FH: variants seen among roughly 807,000 people sequenced by gnomAD.
FH encodes fumarate hydratase, mitochondrial.
FH carries 22 observed loss-of-function variants against 49.4 expected under a neutral mutation model. The observed-to-expected ratio is 0.45, with a 90% confidence interval of 0.32 to 0.64. FH has a LOEUF of 0.64. FH is among the 30% of genes least tolerant of loss of function. The pLI, the probability that FH is intolerant of heterozygous loss-of-function variation, is 0.05. For synonymous variants in FH, 208 were observed against 223.0 expected, an observed-to-expected ratio of 0.93 and a Z score of 0.60; for missense variants, 526 against 641.5, an observed-to-expected ratio of 0.82 and a Z score of 1.95.
chr1:241,505,122 GCTGGTCTCGAA>G (rs1659879587), intron 6 of FH, among the ~76,000 whole-genome samples: 1 of 151,828 alleles, frequency 6.6e-6, no homozygotes, highest in South Asian at 2.1e-4. Flanking sequence ...TGTTGACCAG[GCTGGTCTCGAA>G]CTCCTGACCT....
In FH at chr1:241,518,171, CT is replaced by C. The variant is rs1003751521; in HGVS notation, c.133-856del. On this transcript the variant is annotated intron_variant, in intron 1 of 9. Coordinates refer to ENST00000366560, the MANE Select transcript of FH (RefSeq NM_000143.4). ...TTCTCAACATTAGCAACAGGAAGAA[CT>C]TTTAACAAAACCAACAGAGATTTTG... Among the ~76,000 whole-genome samples, 11 of 152,278 alleles carry C rather than the reference CT, an allele frequency of 7.2e-5. No homozygotes were observed. In the East Asian group the frequency reaches 2.1e-3, roughly 29 times the overall value.
chr1:241,506,183 A>C lies in FH; in HGVS notation c.739-15T>G, dbSNP rs746109501. 8 of 1,592,652 alleles carry C rather than the reference A, an allele frequency of 5.0e-6. No homozygotes were observed. The Admixed American group carries it at 1.0e-4, about 20-fold the overall frequency. On this transcript the variant is annotated splice_polypyrimidine_tract_variant and intron_variant, in intron 5 of 9. Transcript: ENST00000366560. ...CCACTAAATTCCTGAAAAGAAAAGA[A>C]AATTAAGGTAAGAATAAGTAATTCC...
chr1:241,502,856 C>T (rs1382283936), intron 7 of FH, among the ~76,000 whole-genome samples: 1 of 152,170 alleles, frequency 6.6e-6, no homozygotes, highest in Non-Finnish European at 1.5e-5. Context: ...ACTCAATATA[C>T]AACACTGAAT....
rs572155232 is a variant in FH, at chr1:241,505,040, C to T, written c.905-795G>A. The stretch of plus-strand genomic sequence containing the variant: ...TCTCCTGCCTCAGCCTCCCAAGTAG[C>T]TGGGGTTACAGGCGCCCGCCACCAT... On this transcript the variant is annotated intron_variant, in intron 6 of 9. Coordinates refer to ENST00000366560, the MANE Select transcript of FH (RefSeq NM_000143.4). Among the ~76,000 whole-genome samples the T allele has an allele frequency of 5.9e-5, 9 of 151,656 alleles. No homozygotes were observed. In the South Asian group the frequency reaches 1.9e-3, roughly 32 times the overall value.
At chr1:241,516,540 C>T (rs1349311383) in intron 2 of FH, among the ~76,000 whole-genome samples, 1 of 152,214 alleles carries the variant, frequency 6.6e-6, no homozygotes, top group Non-Finnish European at 1.5e-5. Context: ...TAGCTAATGC[C>T]GGGTTTTAAT....
chr1:241,517,386 C>T, intron 1 of FH, 70 bp from the exon 2 acceptor site: 5 of 1,556,008 alleles, frequency 3.2e-6, no homozygotes, highest in Non-Finnish European at 4.4e-6. Flanking sequence ...CGCATCTTAT[C>T]AGCTGTTAAA....
At chr1:241,517,544 T>C (rs1660252707) in intron 1 of FH, among the ~76,000 whole-genome samples, 1 of 152,200 alleles carries the variant, frequency 6.6e-6, no homozygotes, top group Non-Finnish European at 1.5e-5. Flanking sequence ...AGAACTAATA[T>C]ACTATGCTGG....
Position 241,519,751 on chromosome 1 carries a change from T to C in FH, c.-29A>G. The C allele has an allele frequency of 1.3e-6, 2 of 1,517,444 alleles. No individual in the cohort carries two copies. The highest frequency in any genetic ancestry group is 1.8e-6 in the Non-Finnish European group (2 of 1,127,408). 94.0% of individuals were successfully genotyped at this position (1,517,444 alleles called of 1,614,324 possible). The stretch of plus-strand genomic sequence containing the variant: ...GCTGAGGGAGCTTGGGTAGAATTTC[T>C]GGGCGGCTGTGGCCACGCCTCCACG... On this transcript the variant is annotated 5_prime_UTR_variant, in exon 1 of 10. Transcript: ENST00000366560.
chr1:241,502,525 G>T lies in FH; in HGVS notation c.1154C>A (p.Ala385Asp), dbSNP rs727503926. 1.2e-6 allele frequency: 2 copies of T among 1,614,132 alleles called. No individual in the cohort carries two copies. The highest frequency in any genetic ancestry group is 1.7e-6 in the Non-Finnish European group (2 of 1,179,978). ...TQCEAMTMVA[A>D]QVMGNHVAVT... is the part of the protein sequence containing the mutation. ...AGCAACATGGTTCCCCATGACTTGG[G>T]CTGCAACCATGGTCATTGCTTCACA... Residue 385 changes from alanine to aspartate, a missense_variant, in exon 8 of 10, where the codon GCC becomes GAC. This residue lies in a region of FH where 383 missense variants were observed against 514.0 expected (regional missense o/e 0.75). Coordinates refer to ENST00000366560, the MANE Select transcript of FH (RefSeq NM_000143.4).
chr1:241,519,661 G>A lies in FH; in HGVS notation c.62C>T (p.Ala21Val), dbSNP rs1131691251. 4 of 1,547,912 alleles carry A rather than the reference G, an allele frequency of 2.6e-6. No individual in the cohort carries two copies. The highest frequency in any genetic ancestry group is 3.5e-6 in the Non-Finnish European group (4 of 1,146,462). The change falls in exon 1 of 10, where the codon GCC becomes GTC. Residue 21 changes from alanine to valine, a missense_variant. By Grantham distance (64) the Ala-to-Val change is moderately conservative. This residue lies in a region of FH where 143 missense variants were observed against 127.5 expected (regional missense o/e 1.12). Coordinates refer to ENST00000366560, the MANE Select transcript of FH (RefSeq NM_000143.4). The part of the protein sequence containing the change: ...SRPLVRAPAA[A>V]LASAPGLGGA... ...ACCCAAGCCGGGAGCCGAAGCTAAG[G>A]CTGCGGCTGGAGCCCGCACGAGGGG...
intron 9 of FH, among the ~76,000 whole-genome samples, chr1:241,499,112 A>C (rs1462653870): frequency 6.6e-6 from 1 of 152,106 alleles, no homozygotes; most frequent in East Asian, 1.9e-4. Flanking sequence ...ATGGCTTTAA[A>C]GTCTAAGCAT....
In FH at chr1:241,519,682, A is replaced by G. The variant is rs1553342163; in HGVS notation, c.41T>C (p.Leu14Pro). ...ALRLLARSRP[L>P]VRAPAAALAS... ...TAAGGCTGCGGCTGGAGCCCGCACGAGGGGACGCGAGCGCGCGAGGAGCCG... is the reference window on the plus strand; with the variant it reads ...TAAGGCTGCGGCTGGAGCCCGCACGGGGGGACGCGAGCGCGCGAGGAGCCG... Residue 14 changes from leucine (L) to proline (P), a missense_variant, in exon 1 of 10, where the codon CTC becomes CCC. By Grantham distance (98) the Leu-to-Pro change is moderately conservative (BLOSUM62 -3). Coordinates refer to ENST00000366560, the MANE Select transcript of FH (RefSeq NM_000143.4). 1.9e-6 allele frequency: 3 copies of G among 1,547,084 alleles called. No homozygotes were observed. Among genetic ancestry groups the G allele is most frequent in the Non-Finnish European group, 2.6e-6 (3 of 1,146,006 alleles).
Position 241,504,227 on chromosome 1 carries a change from G to C in FH, c.923C>G (p.Ala308Gly), listed in dbSNP as rs1057524385. ...AGCCAGAGCTTCAAATTTATTCGGA[G>C]CAGTGACAAAAGGCAAGCCTAAAGA... Reference protein sequence around the residue: ...AALTGLPFVTAPNKFEALAAH... With the variant: ...AALTGLPFVTGPNKFEALAAH... Residue 308 changes from alanine (A) to glycine (G), a missense_variant, in exon 7 of 10, where the codon GCT (alanine) becomes GGT (glycine). This residue lies in a region of FH where 383 missense variants were observed against 514.0 expected (regional missense o/e 0.75). Transcript: ENST00000366560. 33 of 1,614,004 alleles carry C rather than the reference G, an allele frequency of 2.0e-5. No individual in the cohort carries two copies. The highest frequency in any genetic ancestry group is 2.8e-5 in the Non-Finnish European group (33 of 1,180,020).
In FH at chr1:241,497,824, T is replaced by C. The variant is rs1659661408; in HGVS notation, c.*4A>G. ...TGTTTATTTTCATTATAAATTTATG[T>C]AAATCACTTTGGACCCAGCATGTCC... On this transcript the variant is annotated 3_prime_UTR_variant, in exon 10 of 10. Coordinates refer to ENST00000366560, the MANE Select transcript of FH (RefSeq NM_000143.4). 1.3e-6 allele frequency: 2 copies of C among 1,589,258 alleles called. No homozygotes were observed. The highest frequency in any genetic ancestry group is 1.7e-6 in the Non-Finnish European group (2 of 1,167,000).
rs756281593 is a variant in FH at position 241,512,178 on chromosome 1, A to G, written c.379-35T>C. 7.0e-6 allele frequency: 11 copies of G among 1,580,138 alleles called. No homozygotes were observed. In the South Asian group the frequency reaches 1.2e-4, roughly 18 times the overall value. On this transcript the variant is annotated intron_variant, in intron 3 of 9. Coordinates refer to ENST00000366560, the MANE Select transcript of FH (RefSeq NM_000143.4). ...AAATGTTAAAAATGTATTTTAAAAA[A>G]GGAAATAATAATGCTGATTATGCCA...
intron 4 of FH, 81 bp from the exon 5 acceptor site, chr1:241,508,866 T>A: frequency 8.1e-7 from 1 of 1,237,666 alleles, no homozygotes; most frequent in Non-Finnish European, 1.1e-6. Flanking sequence ...ACTTCTCAAT[T>A]AAAAAACTCT....
intron 2 of FH, 135 bp downstream of exon 2, chr1:241,517,047 C>A: frequency 9.9e-7 from 1 of 1,007,572 alleles, no homozygotes; most frequent in Non-Finnish European, 1.5e-6. Context: ...TGAAAGAGAA[C>A]CTCTTATTAC....
intron 4 of FH, among the ~76,000 whole-genome samples, chr1:241,510,635 T>C (rs946698860): frequency 6.6e-6 from 1 of 152,166 alleles, no homozygotes; most frequent in Non-Finnish European, 1.5e-5. Flanking sequence ...GATTCCCTGA[T>C]GAATGCTAAA....
chr1:241,504,435 G>T (rs1294452122), intron 6 of FH, among the ~76,000 whole-genome samples, 190 bp from the exon 7 acceptor site: 1 of 152,068 alleles, frequency 6.6e-6, no homozygotes, highest in Non-Finnish European at 1.5e-5. Context: ...AAAGAATCTG[G>T]TATTACATTT....
Sources: allele counts gnomAD v4.1 joint callset (sites outside exome capture counted in the v4.1 genomes callset), GRCh38; gene constraint gnomAD v4.1.1; regional missense constraint gnomAD v4.1.1; transcripts MANE v1.5; gene names NCBI Gene and HGNC (gene_info 2026-07-23, HGNC 2026-07-21).